The following MACF1 variants were observed in gnomAD, a reference collection of about 807,000 sequenced individuals.
MACF1 encodes the protein microtubule-actin cross-linking factor 1.
MACF1 carries 193 observed loss-of-function variants against 854.8 expected under a neutral mutation model. That is an observed-to-expected ratio of 0.23 (90% CI 0.20 to 0.25). MACF1 has a LOEUF of 0.25. MACF1 is among the 10% of genes least tolerant of loss of function. The pLI, the probability that MACF1 is intolerant of heterozygous loss-of-function variation, is 1.00. For missense variants in MACF1, 7,722 were observed against 8,929.1 expected, an observed-to-expected ratio of 0.86 and a Z score of 5.45; for synonymous variants, 3,185 against 3,226.7, an observed-to-expected ratio of 0.99 and a Z score of 0.44.
At chr1:39,273,626 T>G (rs1217772713) in intron 6 of MACF1, among the ~76,000 whole-genome samples, 2 of 151,478 alleles carry the variant, frequency 1.3e-5, no homozygotes, top group South Asian at 4.2e-4. Context: ...TGAGACGGAG[T>G]CTTGCTCTGT....
intron 80 of MACF1, among the ~76,000 whole-genome samples, chr1:39,446,484 T>C (rs575321857): frequency 7.3e-5 from 11 of 151,660 alleles, no homozygotes; most frequent in Admixed American, 5.3e-4. Context: ...TTTATAACAT[T>C]TATTGTAATT....
intron 2 of MACF1, among the ~76,000 whole-genome samples, chr1:39,199,170 A>G (rs1349246221): frequency 2.0e-5 from 3 of 151,754 alleles, no homozygotes; most frequent in Admixed American, 1.3e-4. Flanking sequence ...TATTTTTAGT[A>G]GAGATGGGGT....
Position 39,334,448 on chromosome 1 carries a change from T to A in MACF1, c.7860T>A (p.Asp2620Glu), listed in dbSNP as rs774846399. 11 of 1,614,076 alleles carry A rather than the reference T, an allele frequency of 6.8e-6. 1 individual carries two copies. In the South Asian group the frequency reaches 9.9e-5, roughly 15 times the overall value. ...CAGGAATGATGCATGGCATTGTAGA[T>A]CCCGAGAACTGCAGAATTGTCCCCT... ...LSPGMMHGIV[D>E]PENCRIVPYS... The change falls in exon 37 of 101, where the codon GAT becomes GAA. Residue 2620 changes from aspartate to glutamate, a missense_variant. Coordinates refer to ENST00000564288, the MANE Select transcript of MACF1 (RefSeq NM_001394062.1).
intron 15 of MACF1, among the ~76,000 whole-genome samples, chr1:39,291,665 A>G (rs1292917260): frequency 2.6e-5 from 4 of 152,226 alleles, no homozygotes. Context: ...TACTCCAGGA[A>G]TGTATACTAA....
At chr1:39,125,057 GC>G (rs1642823715) in intron 2 of MACF1, among the ~76,000 whole-genome samples, 1 of 152,092 alleles carries the variant, frequency 6.6e-6, no homozygotes, top group Non-Finnish European at 1.5e-5. Flanking sequence ...TCGTCTTTGG[GC>G]CTATTTCCTT....
intron 49 of MACF1, among the ~76,000 whole-genome samples, 186 bp downstream of exon 49, chr1:39,361,863 A>G (rs1360722706): frequency 1.3e-5 from 2 of 152,152 alleles, no homozygotes; most frequent in African/African-American, 2.4e-5. Context: ...CACAGTCAAT[A>G]TTTATTTTTC....
chr1:39,475,592 C>T (rs990981540), intron 97 of MACF1, among the ~76,000 whole-genome samples: 16 of 151,892 alleles, frequency 1.1e-4, no homozygotes, highest in Non-Finnish European at 1.6e-4. Flanking sequence ...GGAGGAGGTG[C>T]TCCATGAAAC....
intron 23 of MACF1, chr1:39,304,697 G>A: frequency 2.4e-6 from 1 of 418,224 alleles, no homozygotes; most frequent in South Asian, 2.3e-5. Context: ...CTGAGTAGCT[G>A]GGACTACAGG....
In MACF1 at chr1:39,331,466, T is replaced by C. The variant is rs771568110; in HGVS notation, c.4878T>C (p.Thr1626=). The change falls in exon 37 of 101, where the codon ACT becomes ACC. Residue 1626 remains threonine, a synonymous_variant. Transcript: ENST00000564288. ...QDALALISRL[T]ESRGPLSVVE... Reference sequence around the variant, plus strand: ...CCCTGGCCTTAATAAGCAGGCTTACTGAGAGCAGAGGCCCTCTTTCTGTGG... The same window carrying C: ...CCCTGGCCTTAATAAGCAGGCTTACCGAGAGCAGAGGCCCTCTTTCTGTGG... The C allele has an allele frequency of 1.9e-6, 3 of 1,614,072 alleles. No individual in the cohort carries two copies. Among genetic ancestry groups the C allele is most frequent in the Non-Finnish European group, 2.5e-6 (3 of 1,180,036 alleles).
chr1:39,084,307 G>A lies in MACF1; in HGVS notation c.89G>A (p.Arg30Gln), dbSNP rs765180561. The A allele has an allele frequency of 4.3e-6, 7 of 1,613,906 alleles. No homozygotes were observed. Among genetic ancestry groups the A allele is most frequent in the Non-Finnish European group, 5.9e-6 (7 of 1,180,012 alleles). Reference sequence around the variant, plus strand: ...AGTGAGCGATCTTACAGGAGCGAGCGGTCGGGGAGCCTGTCTCCCTGTCCC... The same window carrying A: ...AGTGAGCGATCTTACAGGAGCGAGCAGTCGGGGAGCCTGTCTCCCTGTCCC... Residue 30 changes from arginine to glutamine, a missense_variant, in exon 2 of 94, where the codon CGG becomes CAG. Arg to Gln is a conservative substitution (Grantham distance 43). Coordinates refer to the MACF1 transcript ENST00000361689. The surrounding 1 kb of genome is among the most constrained non-coding windows in gnomAD (Gnocchi z 5.2).
chr1:39,115,381 A>T (rs147155641), intron 2 of MACF1, among the ~76,000 whole-genome samples: 2 of 152,252 alleles, frequency 1.3e-5, no homozygotes, highest in Non-Finnish European at 2.9e-5. Context: ...TGTATGTGGT[A>T]TATGAGGGGG....
At chr1:39,102,441 G>C (rs57925211) in intron 2 of MACF1, among the ~76,000 whole-genome samples, 52,519 of 150,024 alleles carry the variant, frequency 0.35, 9,820 homozygotes, top group African/African-American at 0.44. Context: ...AGGCGGGGGG[G>C]GGGTCAAGGA....
At chr1:39,423,566 C>A (rs1022547301) in intron 60 of MACF1, among the ~76,000 whole-genome samples, 1 of 142,562 alleles carries the variant, frequency 7.0e-6, no homozygotes, top group Non-Finnish European at 1.5e-5. Flanking sequence ...ACCTGGGAGG[C>A]GGAGCTTGCA....
chr1:39,317,211 C>G lies in MACF1; in HGVS notation c.3589-3C>G. On this transcript the variant is annotated splice_polypyrimidine_tract_variant and splice_region_variant and intron_variant, in intron 28 of 100. Transcript: ENST00000564288. Reference sequence around the variant, plus strand: ...ACCTGTTTCTGTACTTATGTTTCCACAGCACTGGCTTAGTGATGTGAAGGA... The same window carrying G: ...ACCTGTTTCTGTACTTATGTTTCCAGAGCACTGGCTTAGTGATGTGAAGGA... 1 of 1,612,960 alleles carries G rather than the reference C, an allele frequency of 6.2e-7. No individual in the cohort carries two copies. The highest frequency in any genetic ancestry group is 8.5e-7 in the Non-Finnish European group (1 of 1,179,554).
intron 42 of MACF1, 52 bp from the exon 43 acceptor site, chr1:39,350,733 C>A: frequency 7.5e-7 from 1 of 1,342,150 alleles, no homozygotes; most frequent in Non-Finnish European, 1.1e-6. Context: ...CATTAGAGGA[C>A]TTAGAAGCAC....
chr1:39,198,162 C>T (rs951537153), intron 2 of MACF1, among the ~76,000 whole-genome samples: 1 of 152,180 alleles, frequency 6.6e-6, no homozygotes, highest in Non-Finnish European at 1.5e-5. Flanking sequence ...TGTGCCACTG[C>T]ATTCCAGCTT....
intron 6 of MACF1, among the ~76,000 whole-genome samples, chr1:39,280,580 T>C (rs964931183): frequency 3.3e-5 from 5 of 152,114 alleles, no homozygotes; most frequent in African/African-American, 4.8e-5. Context: ...ATTTATTTAT[T>C]TATTTTTATG....
In MACF1 at chr1:39,335,712, G is replaced by T; in HGVS notation, c.9124G>T (p.Glu3042Ter). 6.2e-7 allele frequency: 1 copy of T among 1,613,368 alleles called. No homozygotes were observed. The highest frequency in any genetic ancestry group is 8.5e-7 in the Non-Finnish European group (1 of 1,179,868). The change falls in exon 37 of 101, where the codon GAA becomes TAA. Residue 3042 changes from glutamate (E) to a stop codon, truncating the protein, a stop_gained. Coordinates refer to ENST00000564288, the MANE Select transcript of MACF1 (RefSeq NM_001394062.1). LOFTEE classifies it high-confidence loss of function. ...GGGATTTTCTATTACTTTTAAAATT[G>T]AAGAGTCCTCTTCCCAAGTGGTACC... ...EMGFSITFKI[E>*]ESSSQVVPQG...
At chr1:39,286,470 T>C (rs541747645) in intron 14 of MACF1, among the ~76,000 whole-genome samples, 20 of 150,970 alleles carry the variant, frequency 1.3e-4, no homozygotes, top group African/African-American at 4.9e-4. Flanking sequence ...GTTTTTTTTT[T>C]CCCCTTTTTT....
Sources: gnomAD v4.1 joint callset for allele counts (sites outside exome capture counted in the v4.1 genomes callset) on GRCh38, gnomAD v4.1.1 for gene constraint, Gnocchi (gnomAD v3.1) non-coding constraint, MANE v1.5 for transcripts, NCBI Gene and HGNC (gene_info 2026-07-23, HGNC 2026-07-21) for gene names.